The following DLGAP2 variants were observed in gnomAD, a reference collection of about 807,000 sequenced individuals.
The protein encoded by DLGAP2 is disks large-associated protein 2.
DLGAP2 carries 26 observed loss-of-function variants against 100.3 expected under a neutral mutation model. The ratio of observed to expected loss-of-function variants is 0.26; its 90% CI spans 0.19 to 0.36. The LOEUF (loss-of-function observed/expected upper bound fraction) is 0.36. DLGAP2 is among the 10% of genes least tolerant of loss of function. The pLI is 1.00. For synonymous variants in DLGAP2, 886 were observed against 630.1 expected (o/e 1.41, Z -6.08); for missense variants, 1,858 against 1,453.2 (o/e 1.28, Z -4.53).
chr8:976,298 CA>C (rs2129013205), intron 2 of DLGAP2, among the ~76,000 whole-genome samples: 1 of 152,150 alleles, frequency 6.6e-6, no homozygotes, highest in Non-Finnish European at 1.5e-5. Context: ...CAATAGAACA[CA>C]ATGGAAAGCC....
At chr8:1,337,230 T>C (rs1801298282) in intron 3 of DLGAP2, among the ~76,000 whole-genome samples, 1 of 150,262 alleles carries the variant, frequency 6.7e-6, no homozygotes, top group Admixed American at 6.6e-5. Context: ...AGGATGATGG[T>C]GGTGGTGAGA....
chr8:1,620,620 C>T (rs1209571568), intron 6 of DLGAP2: 1 of 152,266 alleles, frequency 6.6e-6, no homozygotes, highest in African/African-American at 2.4e-5. Context: ...GCCTTGGAAT[C>T]ATCTCACCTC....
chr8:857,911 C>T (rs1585939618), intron 1 of DLGAP2, among the ~76,000 whole-genome samples: 2 of 152,028 alleles, frequency 1.3e-5, no homozygotes, highest in South Asian at 4.2e-4. Context: ...GCTCTTGTTG[C>T]CCAGGCTGGA....
intron 6 of DLGAP2, among the ~76,000 whole-genome samples, chr8:1,572,847 G>A (rs1177820424): frequency 9.0e-6 from 1 of 111,284 alleles, no homozygotes; most frequent in East Asian, 3.2e-4. Flanking sequence ...GAGATGGAGA[G>A]GAGAGAGGGT....
intron 3 of DLGAP2, among the ~76,000 whole-genome samples, chr8:1,355,795 C>G (rs924584178): frequency 4.6e-5 from 7 of 152,170 alleles, no homozygotes; most frequent in Non-Finnish European, 8.8e-5. Flanking sequence ...TCTCCTCCCA[C>G]AACCCCCACC....
At chr8:1,443,976 T>C (rs114932028) in intron 3 of DLGAP2, among the ~76,000 whole-genome samples, 1,902 of 152,326 alleles carry the variant, frequency 0.012, 49 homozygotes, top group African/African-American at 0.044. Context: ...ACTTAAGCTT[T>C]CTAGGACTGT....
chr8:926,216 G>T (rs762915789), intron 2 of DLGAP2, among the ~76,000 whole-genome samples: 1 of 152,150 alleles, frequency 6.6e-6, no homozygotes, highest in Non-Finnish European at 1.5e-5. Flanking sequence ...CACTCCCTCC[G>T]TGGGCTCTCA....
intron 3 of DLGAP2, among the ~76,000 whole-genome samples, chr8:1,289,110 C>T (rs887319490): frequency 6.6e-6 from 1 of 152,056 alleles, no homozygotes; most frequent in Non-Finnish European, 1.5e-5. Context: ...CCATGAAGGC[C>T]CCTGAATTGA....
chr8:1,648,822 G>C (rs1486332447), intron 8 of DLGAP2, among the ~76,000 whole-genome samples: 3 of 152,196 alleles, frequency 2.0e-5, no homozygotes, highest in Non-Finnish European at 4.4e-5. Flanking sequence ...TGCCAATGGA[G>C]AGGATATCGT....
chr8:1,068,160 T>G (rs1803314440), intron 2 of DLGAP2, among the ~76,000 whole-genome samples: 1 of 152,182 alleles, frequency 6.6e-6, no homozygotes, highest in Non-Finnish European at 1.5e-5. Context: ...TAGCAGTGAG[T>G]GCTATTCCAC....
chr8:1,490,193 T>G (rs2896919), intron 3 of DLGAP2, among the ~76,000 whole-genome samples: 12 of 151,962 alleles, frequency 7.9e-5, no homozygotes, highest in South Asian at 2.1e-4. Context: ...CCCGGCTTCA[T>G]TTTTTTTGAA....
At chr8:1,181,403 C>G (rs928542577) in intron 2 of DLGAP2, among the ~76,000 whole-genome samples, 1 of 152,090 alleles carries the variant, frequency 6.6e-6, no homozygotes, top group African/African-American at 2.4e-5. Flanking sequence ...GGATAATGGC[C>G]TCCAGCTCCA....
intron 2 of DLGAP2, among the ~76,000 whole-genome samples, chr8:949,294 G>GA (rs1200089680): frequency 1.3e-5 from 2 of 152,166 alleles, no homozygotes; most frequent in Admixed American, 1.3e-4. Flanking sequence ...CACAGGTGCG[G>GA]ACCAGGCCGT....
chr8:1,491,104 A>AAC (rs1799370418), intron 3 of DLGAP2, among the ~76,000 whole-genome samples: 1 of 136,950 alleles, frequency 7.3e-6, no homozygotes. Flanking sequence ...CCAAAAATAA[A>AAC]ATCACTTTTC....
intron 1 of DLGAP2, among the ~76,000 whole-genome samples, chr8:758,081 T>A (rs1415187062): frequency 6.6e-6 from 1 of 152,216 alleles, no homozygotes; most frequent in Non-Finnish European, 1.5e-5. Context: ...ACTTACCATA[T>A]GTGGCTGTTG....
chr8:970,627 C>A (rs1317069129), intron 2 of DLGAP2, among the ~76,000 whole-genome samples: 1 of 152,156 alleles, frequency 6.6e-6, no homozygotes, highest in Admixed American at 6.5e-5. Context: ...CAAACCAAGG[C>A]TTTTTTCTTC....
intron 2 of DLGAP2, among the ~76,000 whole-genome samples, chr8:1,150,914 G>A (rs1003735117): frequency 7.9e-5 from 12 of 152,160 alleles, no homozygotes; most frequent in Middle Eastern, 3.4e-3. Context: ...AATATATGGA[G>A]TATTACTTTC....
chr8:891,935 G>A (rs1389673397), intron 1 of DLGAP2, among the ~76,000 whole-genome samples: 1 of 152,308 alleles, frequency 6.6e-6, no homozygotes, highest in East Asian at 1.9e-4. Context: ...TGGGGGCTGC[G>A]CCACACAGAG....
intron 3 of DLGAP2, among the ~76,000 whole-genome samples, chr8:1,494,504 G>A (rs371885948): frequency 6.6e-6 from 1 of 152,202 alleles, no homozygotes; most frequent in Admixed American, 6.5e-5. Context: ...GCCAAGGTGG[G>A]TGGATCACGA....
Sources: gnomAD v4.1 joint callset for allele counts (sites outside exome capture counted in the v4.1 genomes callset) on GRCh38, gnomAD v4.1.1 for gene constraint, MANE v1.5 for transcripts, NCBI Gene and HGNC (gene_info 2026-07-23, HGNC 2026-07-21) for gene names.